MREG: variants seen among roughly 807,000 people sequenced by gnomAD.
MREG encodes the protein melanoregulin.
Under a neutral mutation model 28.5 loss-of-function variants are expected in MREG, and 31 were observed. The ratio of observed to expected loss-of-function variants is 1.09; its 90% CI spans 0.82 to 1.47. MREG has a LOEUF of 1.47. MREG is among the 40% of genes most tolerant of loss of function. The pLI is 0.00. For missense variants in MREG, 256 were observed against 257.4 expected, an observed-to-expected ratio of 0.99 and a Z score of 0.04; for synonymous variants, 106 against 95.2, an observed-to-expected ratio of 1.11 and a Z score of -0.66.
At chr2:215,988,501 T>A (rs1358443212) in intron 2 of MREG, among the ~76,000 whole-genome samples, 3 of 152,108 alleles carry the variant, frequency 2.0e-5, no homozygotes, top group Non-Finnish European at 2.9e-5. Flanking sequence ...CTACAAGAGT[T>A]TTTTTTCATA....
chr2:215,996,322 T>C lies in MREG; in HGVS notation c.239A>G (p.Gln80Arg). ...LYNLIVIRNQ[Q>R]AKDSEEWQKL... Reference sequence around the variant, plus strand: ...GGTGCTCACCTCTGAGTCTTTGGCCTGCTGATTACGAATGACTATCAAATT... The same window carrying C: ...GGTGCTCACCTCTGAGTCTTTGGCCCGCTGATTACGAATGACTATCAAATT... Residue 80 changes from glutamine to arginine, a missense_variant, in exon 2 of 5, where the codon CAG becomes CGG. Transcript: ENST00000263268. 6.2e-7 allele frequency: 1 copy of C among 1,613,856 alleles called. No individual in the cohort carries two copies. The highest frequency in any genetic ancestry group is 8.5e-7 in the Non-Finnish European group (1 of 1,179,862).
intron 2 of MREG, among the ~76,000 whole-genome samples, chr2:215,954,068 A>T (rs1442080995): frequency 6.6e-6 from 1 of 152,192 alleles, no homozygotes; most frequent in Non-Finnish European, 1.5e-5. Flanking sequence ...GGCTTACTTT[A>T]TGGTGCCTCC....
chr2:215,996,019 T>C (rs1420862425), intron 2 of MREG, among the ~76,000 whole-genome samples: 2 of 152,236 alleles, frequency 1.3e-5, no homozygotes, highest in South Asian at 4.1e-4. Context: ...GTTTAAGCCA[T>C]TTAAGATGAC....
upstream of MREG, among the ~76,000 whole-genome samples, chr2:216,017,467 A>G (rs1694465139): frequency 6.6e-6 from 1 of 152,304 alleles, no homozygotes; most frequent in South Asian, 2.1e-4. Context: ...TCACATTTTG[A>G]CAATCCTATT....
At chr2:215,953,131 A>G (rs1356512580) in intron 2 of MREG, among the ~76,000 whole-genome samples, 1 of 152,252 alleles carries the variant, frequency 6.6e-6, no homozygotes, top group East Asian at 1.9e-4. Context: ...GGAAGAAACA[A>G]AGGGCATGAA....
chr2:216,012,336 G>C (rs79740541), intron 1 of MREG, among the ~76,000 whole-genome samples: 2,407 of 152,260 alleles, frequency 0.016, 53 homozygotes, highest in African/African-American at 0.053. Context: ...AGTCAAGGGG[G>C]TGTTTGGACT....
chr2:216,011,503 A>G (rs1389974420), intron 1 of MREG, among the ~76,000 whole-genome samples: 3 of 152,220 alleles, frequency 2.0e-5, no homozygotes, highest in African/African-American at 7.2e-5. Flanking sequence ...TGAAGTATGT[A>G]CTATTATCAT....
chr2:215,988,972 C>T (rs936639943), intron 2 of MREG, among the ~76,000 whole-genome samples: 2 of 152,202 alleles, frequency 1.3e-5, no homozygotes, highest in Admixed American at 1.3e-4. Context: ...ACAGCTTCAG[C>T]AGACTTAAAT....
rs76997835 is a variant in MREG, at chr2:216,001,459, C to T, written c.96-4994G>A. Among the ~76,000 whole-genome samples the T allele has an allele frequency of 2.2e-3, 341 of 152,298 alleles. 2 individuals are homozygous for T. The highest frequency in any genetic ancestry group is 7.7e-3 in the African/African-American group (322 of 41,582). On this transcript the variant is annotated intron_variant, in intron 1 of 4. Transcript: ENST00000263268. ...TCCCAGCAGTGGTATTCTCTGCGAG[C>T]TCCTGGGCCCTCCCCAGCAGGATCT...
At chr2:216,005,341 G>C (rs1048307159) in intron 1 of MREG, among the ~76,000 whole-genome samples, 1 of 151,856 alleles carries the variant, frequency 6.6e-6, no homozygotes, top group African/African-American at 2.4e-5. Context: ...CACATAGGTG[G>C]GAAAGCTAGA....
intron 2 of MREG, among the ~76,000 whole-genome samples, chr2:215,957,938 G>A (rs1692671244): frequency 6.6e-6 from 1 of 152,230 alleles, no homozygotes; most frequent in East Asian, 1.9e-4. Flanking sequence ...AAAAAATGAT[G>A]AGCTCATGTC....
intron 1 of MREG, among the ~76,000 whole-genome samples, chr2:216,011,882 T>C (rs1694321110): frequency 6.6e-6 from 1 of 152,190 alleles, no homozygotes; most frequent in Non-Finnish European, 1.5e-5. Context: ...AAATTCTAGA[T>C]TGCAGTTACC....
chr2:216,018,468 G>GA (rs1416180170), upstream of MREG, among the ~76,000 whole-genome samples: 22 of 152,172 alleles, frequency 1.4e-4, no homozygotes, highest in African/African-American at 5.3e-4. Context: ...CAAGAAAACA[G>GA]AAAAAGAGCT....
chr2:216,004,561 A>C (rs1237551799), intron 1 of MREG, among the ~76,000 whole-genome samples: 1 of 104,958 alleles, frequency 9.5e-6, no homozygotes, highest in Non-Finnish European at 1.9e-5. Flanking sequence ...ACAAAAAAAC[A>C]AACAAAAAAA....
chr2:215,954,437 C>T (rs1220825556), intron 2 of MREG, among the ~76,000 whole-genome samples: 1 of 120,222 alleles, frequency 8.3e-6, no homozygotes, highest in Non-Finnish European at 1.8e-5. Flanking sequence ...TGTATTTGAT[C>T]TGTGTACAAC....
chr2:216,014,271 T>C (rs1694391758), upstream of MREG, among the ~76,000 whole-genome samples: 1 of 152,134 alleles, frequency 6.6e-6, no homozygotes, highest in African/African-American at 2.4e-5. Context: ...TTGATGGACA[T>C]ATGGGTGGAT....
chr2:215,953,224 A>G (rs1692533338), intron 2 of MREG, among the ~76,000 whole-genome samples: 1 of 152,210 alleles, frequency 6.6e-6, no homozygotes, highest in East Asian at 1.9e-4. Context: ...CCATCAATCT[A>G]TTAAGTACAC....
intron 1 of MREG, among the ~76,000 whole-genome samples, chr2:215,997,424 G>A (rs1693902007): frequency 6.6e-6 from 1 of 152,168 alleles, no homozygotes; most frequent in Admixed American, 6.5e-5. Context: ...GTTAACTTCT[G>A]TAACCCCCAG....
chr2:216,004,469 G>A (rs115313154), intron 1 of MREG, among the ~76,000 whole-genome samples: 5,323 of 151,954 alleles, frequency 0.035, 181 homozygotes, highest in South Asian at 0.13. Flanking sequence ...ACTTGAACCC[G>A]GGAGGCGGAG....
Sources: allele counts gnomAD v4.1 joint callset (sites outside exome capture counted in the v4.1 genomes callset), GRCh38; gene constraint gnomAD v4.1.1; transcripts MANE v1.5; gene names NCBI Gene and HGNC (gene_info 2026-07-23, HGNC 2026-07-21).